TAF6: variants seen among roughly 807,000 people sequenced by gnomAD.
TAF6 encodes the protein transcription initiation factor TFIID subunit 6.
A neutral mutation model predicts 73.5 loss-of-function variants in TAF6; 50 were observed. That is an observed-to-expected ratio of 0.68 (90% CI 0.54 to 0.86). TAF6 has a LOEUF of 0.86. Ranked by LOEUF, TAF6 falls within the 40% of genes least tolerant of loss-of-function variation. The probability of loss-of-function intolerance (pLI) is 0.00; values close to 1 mark genes in which losing one functional copy is unlikely to be tolerated. For synonymous variants in TAF6, 424 were observed against 376.7 expected, an observed-to-expected ratio of 1.13 and a Z score of -1.45; for missense variants, 768 against 899.5, an observed-to-expected ratio of 0.85 and a Z score of 1.87.
At chr7:100,117,398 C>A (rs569905339) in intron 1 of TAF6, among the ~76,000 whole-genome samples, 1 of 150,896 alleles carries the variant, frequency 6.6e-6, no homozygotes, top group African/African-American at 2.4e-5. Flanking sequence ...CAGCCTCCTG[C>A]GTAGCTGGGA....
intron 1 of TAF6, among the ~76,000 whole-genome samples, chr7:100,117,335 G>A (rs976596239): frequency 4.8e-5 from 7 of 145,282 alleles, no homozygotes; most frequent in Non-Finnish European, 6.0e-5. Flanking sequence ...GCAATGGCGC[G>A]ATCTTGGCTC....
chr7:100,124,477 C>T (rs778339317), upstream of TAF6: 5 of 1,511,498 alleles, frequency 3.3e-6, no homozygotes, highest in South Asian at 5.6e-5. Flanking sequence ...CAAATCCCTC[C>T]AGAGCAGATA....
intron 6 of TAF6, 23 bp from the exon 7 acceptor site, chr7:100,112,276 C>G (rs369658879): frequency 5.0e-6 from 8 of 1,605,822 alleles, no homozygotes; most frequent in Non-Finnish European, 5.1e-6. Flanking sequence ...AAAGGTGGGT[C>G]TGACAAAGAA....
intron 1 of TAF6, among the ~76,000 whole-genome samples, chr7:100,118,196 C>T (rs1797839920): frequency 1.3e-5 from 2 of 151,638 alleles, no homozygotes; most frequent in African/African-American, 4.8e-5. Context: ...TTTGTAAAAA[C>T]ACAAAAATTA....
the TAF6 span, among the ~76,000 whole-genome samples, chr7:100,125,944 T>C: frequency 6.6e-6 from 1 of 151,916 alleles, no homozygotes; most frequent in South Asian, 2.1e-4. Context: ...CCCAGCACTT[T>C]GGGAGGCCAA....
upstream of TAF6, chr7:100,121,110 A>ATTTTTTTTTTTT (rs1798036782): frequency 3.5e-4 from 10 of 28,390 alleles, no homozygotes; most frequent in Non-Finnish European, 6.2e-4. Context: ...ATATATATAT[A>ATTTTTTTTTTTT]TATATATTTT....
rs760649234 is a variant in TAF6, at chr7:100,112,244, T to G, written c.584A>C (p.Lys195Thr). The change falls in exon 7 of 15, where the codon AAG becomes ACG. Residue 195 changes from lysine (K) to threonine (T), a missense_variant. By Grantham distance (78) the Lys-to-Thr change is moderately conservative (BLOSUM62 -1). This residue lies in a region of TAF6 where 269 missense variants were observed against 268.0 expected (regional missense o/e 1.00). Coordinates refer to ENST00000453269, the MANE Select transcript of TAF6 (RefSeq NM_139315.3). ...CCCCTCCAGCAAGGGCGGCGCCTTC[T>G]TCTCTTTCCCTGTGTGATTGGAAAG... ...ATTADGKGKE[K>T]KAPPLLEGAP... 24 of 1,613,036 alleles carry G rather than the reference T, an allele frequency of 1.5e-5. No homozygotes were observed. In the Admixed American group the frequency reaches 4.0e-4, roughly 27 times the overall value.
At chr7:100,118,886 C>G in intron 1 of TAF6, 1 of 985,316 alleles carries the variant, frequency 1.0e-6, no homozygotes, top group Non-Finnish European at 1.2e-6. Context: ...ATACTCTGTG[C>G]CTGGCGCCGG....
At chr7:100,122,577 G>A (rs1798106248), upstream of TAF6, 2 of 1,600,900 alleles carry the variant, frequency 1.2e-6, no homozygotes, top group Non-Finnish European at 1.7e-6. Flanking sequence ...GATATGCCAA[G>A]GTCAGACCCT....
At chr7:100,124,404 T>A (rs1392129149), upstream of TAF6, 5 of 787,140 alleles carry the variant, frequency 6.4e-6, no homozygotes, top group African/African-American at 8.8e-5. Flanking sequence ...AAACTTAGCT[T>A]CCTGGCTACC....
intron 4 of TAF6, 86 bp from the exon 5 acceptor site, chr7:100,113,491 T>C (rs891977655): frequency 5.2e-5 from 80 of 1,530,972 alleles, no homozygotes; most frequent in Middle Eastern, 1.8e-4. Context: ...TTTCCACTCC[T>C]GCTCCCCTTG....
chr7:100,107,792 G>C, intron 14 of TAF6, 134 bp downstream of exon 14: 8 of 1,377,844 alleles, frequency 5.8e-6, no homozygotes, highest in Non-Finnish European at 7.8e-6. Flanking sequence ...CAGCCCTGCA[G>C]GACCCTGGTG....
At chr7:100,125,269 G>A in the TAF6 span, 2 of 190,348 alleles carry the variant, frequency 1.1e-5, no homozygotes, top group Admixed American at 1.1e-4. Context: ...ACCCTTCCAA[G>A]GAAGAGGCCA....
At chr7:100,113,816 C>A (rs1394494828) in intron 3 of TAF6, 47 bp from the exon 4 acceptor site, 1 of 1,610,726 alleles carries the variant, frequency 6.2e-7, no homozygotes, top group Non-Finnish European at 8.5e-7. Flanking sequence ...CCGGAGGAGA[C>A]CTGGCTGAAG....
upstream of TAF6, chr7:100,119,912 C>T (rs777693104): frequency 1.9e-5 from 29 of 1,515,470 alleles, no homozygotes; most frequent in African/African-American, 3.4e-4. Flanking sequence ...ACACCTCCTT[C>T]TTCTAGGCCG....
In TAF6 at chr7:100,108,247, CAG is replaced by C. The variant is rs747608637; in HGVS notation, c.1458+118_1458+119del. On this transcript the variant is annotated intron_variant, in intron 13 of 14. Coordinates refer to ENST00000453269, the MANE Select transcript of TAF6 (RefSeq NM_139315.3). ...TCACTAGGGCTGGGGCATCCTCACTCAGGGCCTGGTTGCCCTGAGACTACTGA... is the reference window on the plus strand; with the variant it reads ...TCACTAGGGCTGGGGCATCCTCACTCGGCCTGGTTGCCCTGAGACTACTGA... The C allele has an allele frequency of 1.2e-4, 171 of 1,464,330 alleles. 1 individual carries two copies. Among genetic ancestry groups the C allele is most frequent in the Non-Finnish European group, 1.5e-4 (166 of 1,103,532 alleles). 90.7% of individuals were successfully genotyped at this position (1,464,330 alleles called of 1,614,324 possible). A position where few individuals can be genotyped will look rare whatever the true frequency, so the allele number is the denominator to read the frequency against.
In TAF6 at chr7:100,107,347, C is replaced by T. The variant is rs199843455; in HGVS notation, c.1933G>A (p.Gly645Arg). ...CTGTCCCCAGCCTCCTGCTTCCCCC[C>T]ACAAAGGGCACTGCCGCTGAGTGGG... ...PSPLSGSALC[G>R]GKQEAGDSPP... The change falls in exon 15 of 15, where the codon GGG (glycine) becomes AGG (arginine). Residue 645 changes from glycine (G) to arginine (R), a missense_variant. Transcript: ENST00000453269. 14 of 1,553,050 alleles carry T rather than the reference C, an allele frequency of 9.0e-6. No individual in the cohort carries two copies. Among genetic ancestry groups the T allele is most frequent in the South Asian group, 4.9e-5 (4 of 81,908 alleles).
chr7:100,113,539 T>C, intron 4 of TAF6, 77 bp downstream of exon 4: 3 of 1,561,282 alleles, frequency 1.9e-6, no homozygotes, highest in East Asian at 2.3e-5. Flanking sequence ...TTTTCTTCTA[T>C]TGTGAGGCTC....
chr7:100,114,354 G>A lies in TAF6; in HGVS notation c.-59-86C>T. On this transcript the variant is annotated intron_variant, in intron 1 of 14. Coordinates refer to ENST00000453269, the MANE Select transcript of TAF6 (RefSeq NM_139315.3). ...CAAAGGGAGGACAGTGGAGACAGGG[G>A]AGGAACTCCGAGTGTCTTATGTCCA... is the stretch of plus-strand genomic sequence containing the variant. 2.3e-6 allele frequency: 3 copies of A among 1,292,858 alleles called. No individual in the cohort carries two copies. In the South Asian group the frequency reaches 3.7e-5, roughly 16 times the overall value. The allele number at this position is 1,292,858 out of a possible 1,614,324, so 80.1% of individuals were successfully genotyped here. A position where few individuals can be genotyped will look rare whatever the true frequency, so the allele number is the denominator to read the frequency against.
Sources: gnomAD v4.1 joint callset for allele counts (sites outside exome capture counted in the v4.1 genomes callset) on GRCh38, gnomAD v4.1.1 for gene constraint, gnomAD v4.1.1 regional missense constraint, MANE v1.5 for transcripts, NCBI Gene and HGNC (gene_info 2026-07-23, HGNC 2026-07-21) for gene names.